Variants in KLHL20 observed in about 807,000 individuals in gnomAD.
KLHL20 encodes kelch-like protein 20.
KLHL20 carries 29 observed loss-of-function variants against 69.5 expected under a neutral mutation model. The ratio of observed to expected loss-of-function variants is 0.42; its 90% CI spans 0.31 to 0.57. The LOEUF is 0.57. KLHL20 is among the 20% of genes least tolerant of loss of function. The probability of loss-of-function intolerance (pLI) is 0.18; values close to 1 mark genes in which losing one functional copy is unlikely to be tolerated. For missense variants in KLHL20, 419 were observed against 776.0 expected (o/e 0.54, Z 5.47); for synonymous variants, 253 against 265.2 (o/e 0.95, Z 0.45).
intron 2 of KLHL20, among the ~76,000 whole-genome samples, chr1:173,718,217 C>T (rs1671549286): frequency 6.6e-6 from 1 of 151,948 alleles, no homozygotes; most frequent in Non-Finnish European, 1.5e-5. Flanking sequence ...CGTGAGCCAC[C>T]ACACCTGGCT....
intron 3 of KLHL20, among the ~76,000 whole-genome samples, chr1:173,750,178 G>A (rs1424481305): frequency 6.6e-6 from 1 of 152,050 alleles, no homozygotes; most frequent in Admixed American, 6.6e-5. Flanking sequence ...CACTCAGATG[G>A]TTTGCAGATT....
chr1:173,718,695 C>G (rs556466172), intron 2 of KLHL20, among the ~76,000 whole-genome samples: 1 of 151,692 alleles, frequency 6.6e-6, no homozygotes, highest in African/African-American at 2.4e-5. Context: ...CACTCCTGCC[C>G]GTGTAACAGA....
At chr1:173,779,174 AATTTCTTC>A (rs1464297999) in intron 10 of KLHL20, among the ~76,000 whole-genome samples, 1 of 152,038 alleles carries the variant, frequency 6.6e-6, no homozygotes, top group Non-Finnish European at 1.5e-5. Context: ...AGAAACTTTT[AATTTCTTC>A]ATTTCTTCAT....
rs566850662 is a variant in KLHL20, at chr1:173,738,641, G to T, written c.597+4355G>T. 2.6e-5 allele frequency among the ~76,000 whole-genome samples: 4 copies of T among 152,218 alleles called. 1 individual carries two copies. Among genetic ancestry groups the T allele is most frequent in the African/African-American group, 9.6e-5 (4 of 41,528 alleles). ...ATTGGCTGCAGGTTTGTCATAGATGGTTTTTATTACCTTAAGGTATGTCCC... is the reference window on the plus strand; with the variant it reads ...ATTGGCTGCAGGTTTGTCATAGATGTTTTTTATTACCTTAAGGTATGTCCC... On this transcript the variant is annotated intron_variant, in intron 3 of 11. Coordinates refer to ENST00000209884, the MANE Select transcript of KLHL20 (RefSeq NM_014458.4).
At chr1:173,741,303 G>A (rs1388938770) in intron 3 of KLHL20, among the ~76,000 whole-genome samples, 1 of 152,096 alleles carries the variant, frequency 6.6e-6, no homozygotes, top group Non-Finnish European at 1.5e-5. Flanking sequence ...CCAATTGGGG[G>A]CTGCAAGTTA....
intron 2 of KLHL20, among the ~76,000 whole-genome samples, chr1:173,719,061 C>T (rs745505692): frequency 7.0e-5 from 10 of 143,536 alleles, no homozygotes; most frequent in South Asian, 2.1e-4. Flanking sequence ...GCCGAGATTG[C>T]GCCACTGCAA....
At chr1:173,736,480 A>T (rs1672540773) in intron 3 of KLHL20, among the ~76,000 whole-genome samples, 1 of 152,044 alleles carries the variant, frequency 6.6e-6, no homozygotes, top group Non-Finnish European at 1.5e-5. Flanking sequence ...TGGTAGATAT[A>T]CTTTTGGTTC....
intron 3 of KLHL20, among the ~76,000 whole-genome samples, chr1:173,737,584 C>T (rs990989909): frequency 5.3e-5 from 8 of 152,152 alleles, no homozygotes; most frequent in Admixed American, 2.0e-4. Context: ...GTCTATGTAC[C>T]TATTTTTATG....
In KLHL20 at chr1:173,729,613, C is replaced by T. The variant is rs763269116; in HGVS notation, c.24-4100C>T. Reference sequence around the variant, plus strand: ...TAATCAGTTACATAAACAGAACCAACGACAAAAACCACATGATTATCTCAA... The same window carrying T: ...TAATCAGTTACATAAACAGAACCAATGACAAAAACCACATGATTATCTCAA... On this transcript the variant is annotated intron_variant, in intron 2 of 11. Coordinates refer to ENST00000209884, the MANE Select transcript of KLHL20 (RefSeq NM_014458.4). Among the ~76,000 whole-genome samples, 23 of 152,170 alleles carry T rather than the reference C, an allele frequency of 1.5e-4. No individual in the cohort carries two copies. In the Middle Eastern group the frequency reaches 0.014, roughly 90 times the overall value.
chr1:173,728,624 T>C (rs11487392), intron 2 of KLHL20, among the ~76,000 whole-genome samples: 13,715 of 152,136 alleles, frequency 0.09, 2,008 homozygotes, highest in African/African-American at 0.31. Flanking sequence ...GGAAACTGAA[T>C]AACCTGCTCC....
chr1:173,735,437 C>T lies in KLHL20; in HGVS notation c.597+1151C>T, dbSNP rs554037355. Reference sequence around the variant, plus strand: ...CTCCAGCCTGGGTGAGAGAGCCAGACCAGACCCTATCTCAAAAAAAAAAAA... The same window carrying T: ...CTCCAGCCTGGGTGAGAGAGCCAGATCAGACCCTATCTCAAAAAAAAAAAA... On this transcript the variant is annotated intron_variant, in intron 3 of 11. Coordinates refer to ENST00000209884, the MANE Select transcript of KLHL20 (RefSeq NM_014458.4). 1.5e-4 allele frequency among the ~76,000 whole-genome samples: 23 copies of T among 148,494 alleles called. No homozygotes were observed. The East Asian group carries it at 4.2e-3, about 27-fold the overall frequency.
intron 3 of KLHL20, among the ~76,000 whole-genome samples, chr1:173,738,186 T>G (rs1571874365): frequency 6.6e-6 from 1 of 152,102 alleles, no homozygotes; most frequent in Non-Finnish European, 1.5e-5. Flanking sequence ...CTTTAACAAT[T>G]TGGATGCTCT....
At chr1:173,772,967 G>T (rs1271705578) in intron 8 of KLHL20, among the ~76,000 whole-genome samples, 1 of 152,034 alleles carries the variant, frequency 6.6e-6, no homozygotes, top group Non-Finnish European at 1.5e-5. Flanking sequence ...GACAATAAGA[G>T]ACTTTTTAAT....
chr1:173,734,381 G>C, intron 3 of KLHL20, 95 bp downstream of exon 3: 1 of 1,019,500 alleles, frequency 9.8e-7, no homozygotes, highest in Non-Finnish European at 1.5e-6. Flanking sequence ...ATTTCCTGCT[G>C]ATTCTAACTC....
chr1:173,759,914 T>G (rs898697485), intron 7 of KLHL20, among the ~76,000 whole-genome samples: 4 of 152,126 alleles, frequency 2.6e-5, no homozygotes, highest in African/African-American at 9.7e-5. Context: ...AGGTTAGTTA[T>G]TAAGCTAATC....
At chr1:173,761,064 A>G (rs1647268128) in intron 7 of KLHL20, among the ~76,000 whole-genome samples, 1 of 152,224 alleles carries the variant, frequency 6.6e-6, no homozygotes, top group South Asian at 2.1e-4. Context: ...AATGGACACC[A>G]AAAGCGAGCA....
intron 7 of KLHL20, among the ~76,000 whole-genome samples, chr1:173,765,274 C>T (rs143989259): frequency 1.2e-4 from 18 of 152,230 alleles, no homozygotes; most frequent in African/African-American, 3.8e-4. Flanking sequence ...GAGGCCGAGG[C>T]GGGTGGATCA....
At chr1:173,777,934 T>C (rs1048563686) in intron 10 of KLHL20, among the ~76,000 whole-genome samples, 4 of 152,222 alleles carry the variant, frequency 2.6e-5, no homozygotes, top group Admixed American at 2.6e-4. Flanking sequence ...CTAAAGTGAG[T>C]TTGGAAGTGT....
intron 3 of KLHL20, among the ~76,000 whole-genome samples, chr1:173,740,604 A>G (rs1672761753): frequency 6.6e-6 from 1 of 151,898 alleles, no homozygotes; most frequent in East Asian, 1.9e-4. Context: ...TATTATTGTC[A>G]GTTTAAAGAA....
Sources: allele counts gnomAD v4.1 joint callset (sites outside exome capture counted in the v4.1 genomes callset), GRCh38; gene constraint gnomAD v4.1.1; transcripts MANE v1.5; gene names NCBI Gene and HGNC (gene_info 2026-07-23, HGNC 2026-07-21).